The following LMBRD1 variants were observed in gnomAD, a reference collection of about 807,000 sequenced individuals.
The protein encoded by LMBRD1 is LMBR1 domain containing 1, also known as lysosomal cobalamin transport escort protein LMBD1.
A neutral mutation model predicts 74.8 loss-of-function variants in LMBRD1; 64 were observed. That is an observed-to-expected ratio of 0.86 (90% CI 0.70 to 1.05). The LOEUF (loss-of-function observed/expected upper bound fraction) is 1.05. Ranked by LOEUF, LMBRD1 falls within the 50% of genes least tolerant of loss-of-function variation. The pLI is 0.00. For synonymous variants in LMBRD1, 204 were observed against 216.3 expected, an observed-to-expected ratio of 0.94 and a Z score of 0.50; for missense variants, 652 against 645.9, an observed-to-expected ratio of 1.01 and a Z score of -0.10.
intron 4 of LMBRD1, among the ~76,000 whole-genome samples, chr6:69,751,328 CTT>C (rs765182820): frequency 1.4e-5 from 2 of 144,012 alleles, no homozygotes; most frequent in Admixed American, 6.9e-5. Flanking sequence ...AAAGTCGGTC[CTT>C]TTTTTTTTTT....
chr6:69,796,670 C>T, intron 1 of LMBRD1, 143 bp downstream of exon 1: 3 of 719,242 alleles, frequency 4.2e-6, no homozygotes. Flanking sequence ...AAGCCCCCAA[C>T]ACTAAGGAGC....
Position 69,674,804 on chromosome 6 carries a change from C to T in LMBRD1, c.*1354G>A, listed in dbSNP as rs1008657173. ...CCTGGCCAAGATGGTGAAACCCCAT[C>T]TCTGCTAAAAATACAAAAACTAGCC... On this transcript the variant is annotated 3_prime_UTR_variant, in exon 16 of 16. Transcript: ENST00000649934. 6.6e-5 allele frequency among the ~76,000 whole-genome samples: 10 copies of T among 152,034 alleles called. No individual in the cohort carries two copies. Among genetic ancestry groups the T allele is most frequent in the Non-Finnish European group, 8.8e-5 (6 of 68,008 alleles).
At chr6:69,781,344 ACGT>A (rs1765832412) in intron 2 of LMBRD1, among the ~76,000 whole-genome samples, 2 of 152,198 alleles carry the variant, frequency 1.3e-5, no homozygotes, top group South Asian at 4.1e-4. Context: ...GAAAAATTAA[ACGT>A]GGAGAATCTA....
At chr6:69,701,000 G>GCTA in intron 11 of LMBRD1, 131 bp from the exon 12 acceptor site, 1 of 616,612 alleles carries the variant, frequency 1.6e-6, no homozygotes, top group Non-Finnish European at 2.4e-6. Flanking sequence ...TTTAGATTAG[G>GCTA]CTACTGTGCT....
At chr6:69,752,785 A>G (rs1381174959) in intron 3 of LMBRD1, among the ~76,000 whole-genome samples, 1 of 152,226 alleles carries the variant, frequency 6.6e-6, no homozygotes. Flanking sequence ...AGTTAAAGAA[A>G]CAGCTATAAA....
At chr6:69,717,162 A>G (rs964049464) in intron 8 of LMBRD1, among the ~76,000 whole-genome samples, 1 of 152,024 alleles carries the variant, frequency 6.6e-6, no homozygotes, top group Non-Finnish European at 1.5e-5. Context: ...CAACTAATTA[A>G]TGATTTTTAT....
At chr6:69,747,797 A>C (rs1765025974) in intron 5 of LMBRD1, among the ~76,000 whole-genome samples, 1 of 152,242 alleles carries the variant, frequency 6.6e-6, no homozygotes, top group Admixed American at 6.5e-5. Context: ...AATTAGTTAA[A>C]TCTAGATCAC....
intron 14 of LMBRD1, among the ~76,000 whole-genome samples, chr6:69,688,810 G>A (rs116816214): frequency 0.016 from 2,464 of 151,944 alleles, 53 homozygotes; most frequent in African/African-American, 0.056. Context: ...TTTTGTTTAT[G>A]CACGAAAGCA....
rs567685786 is a variant in LMBRD1, at chr6:69,715,087, G to A, written c.763-1290C>T. Among the ~76,000 whole-genome samples the A allele has an allele frequency of 5.3e-5, 8 of 152,040 alleles. No homozygotes were observed. The South Asian group carries it at 1.0e-3, about 20-fold the overall frequency. The stretch of plus-strand genomic sequence containing the variant: ...GTATTATCACTGGATCCCAGAAAAC[G>A]AAAACTAAGAGGGATTTTCTGAAGA... On this transcript the variant is annotated intron_variant, in intron 8 of 15. Transcript: ENST00000649934.
rs576270171 is a variant in LMBRD1, at chr6:69,713,549, T to C, written c.915+96A>G. On this transcript the variant is annotated intron_variant, in intron 9 of 15. Coordinates refer to ENST00000649934, the MANE Select transcript of LMBRD1 (RefSeq NM_018368.4). ...ACCCCCAAATCCATTTTAAGTACCA[T>C]GCTGTAATGCCTCAAAAGGAGAGCT... 59 of 1,252,376 alleles carry C rather than the reference T, an allele frequency of 4.7e-5. No homozygotes were observed. In the African/African-American group the frequency reaches 7.2e-4, roughly 15 times the overall value. The allele number at this position is 1,252,376 out of a possible 1,614,324, so 77.6% of individuals were successfully genotyped here.
intron 9 of LMBRD1, among the ~76,000 whole-genome samples, chr6:69,707,114 T>C (rs1291784704): frequency 6.6e-6 from 1 of 152,190 alleles, no homozygotes; most frequent in Non-Finnish European, 1.5e-5. Flanking sequence ...TAGCTATCAT[T>C]TGGGAACATC....
At chr6:69,721,334 TG>T (rs2149857986) in intron 7 of LMBRD1, among the ~76,000 whole-genome samples, 1 of 152,290 alleles carries the variant, frequency 6.6e-6, no homozygotes, top group Non-Finnish European at 1.5e-5. Context: ...CTCTTTCCTT[TG>T]GCCTGAGGAA....
At chr6:69,684,639 C>T (rs1765725333) in intron 14 of LMBRD1, among the ~76,000 whole-genome samples, 1 of 151,954 alleles carries the variant, frequency 6.6e-6, no homozygotes, top group African/African-American at 2.4e-5. Context: ...CCTAGTAAAA[C>T]TAAGGGCTTG....
At chr6:69,738,070 T>C (rs1767014360) in intron 6 of LMBRD1, 55 bp from the exon 7 acceptor site, 2 of 1,278,774 alleles carry the variant, frequency 1.6e-6, no homozygotes, top group South Asian at 2.5e-5. Flanking sequence ...CAAATCCTTA[T>C]ATTTAGCAAA....
intron 2 of LMBRD1, among the ~76,000 whole-genome samples, chr6:69,788,091 T>C (rs4707375): frequency 0.01 from 1,547 of 151,958 alleles, 54 homozygotes; most frequent in Admixed American, 0.062. Context: ...CTTAATCTAA[T>C]AGAAAGTTCA....
chr6:69,784,868 T>C (rs1765913474), intron 2 of LMBRD1, among the ~76,000 whole-genome samples: 1 of 152,192 alleles, frequency 6.6e-6, no homozygotes, highest in African/African-American at 2.4e-5. Context: ...TTCTAAAGTA[T>C]ACAAATTCTA....
At position 69,675,322 on chromosome 6, in the gene LMBRD1, C is replaced by G. The variant is rs1435136020; in HGVS notation, c.*836G>C. On this transcript the variant is annotated 3_prime_UTR_variant, in exon 16 of 16. Coordinates refer to ENST00000649934, the MANE Select transcript of LMBRD1 (RefSeq NM_018368.4). ...TCCAGAATGTGTTCAAAATACCCTACTGATGTCATACAGCTTTCATTACAT... is the reference window on the plus strand; with the variant it reads ...TCCAGAATGTGTTCAAAATACCCTAGTGATGTCATACAGCTTTCATTACAT... Among the ~76,000 whole-genome samples, 1 of 152,060 alleles carries G rather than the reference C, an allele frequency of 6.6e-6. No homozygotes were observed. The highest frequency in any genetic ancestry group is 1.5e-5 in the Non-Finnish European group (1 of 68,006).
intron 6 of LMBRD1, among the ~76,000 whole-genome samples, chr6:69,740,036 G>A (rs530980540): frequency 6.6e-6 from 1 of 152,260 alleles, no homozygotes; most frequent in South Asian, 2.1e-4. Flanking sequence ...AACCCGGAAG[G>A]CAGGGGTTGC....
intron 12 of LMBRD1, among the ~76,000 whole-genome samples, chr6:69,699,590 ACCT>A (rs1766083502): frequency 6.6e-6 from 1 of 151,806 alleles, no homozygotes; most frequent in African/African-American, 2.4e-5. Flanking sequence ...AATACTCGTG[ACCT>A]CCTTATACTT....
Sources: allele counts gnomAD v4.1 joint callset (sites outside exome capture counted in the v4.1 genomes callset), GRCh38; gene constraint gnomAD v4.1.1; transcripts MANE v1.5; gene names NCBI Gene and HGNC (gene_info 2026-07-23, HGNC 2026-07-21).